Variants in ZFPM2 observed in about 807,000 individuals in gnomAD.
ZFPM2 encodes the protein zinc finger protein ZFPM2.
In ZFPM2, 20 loss-of-function variants were observed where a neutral mutation model predicts 98.6. The ratio of observed to expected loss-of-function variants is 0.20; its 90% CI spans 0.14 to 0.29. The LOEUF (loss-of-function observed/expected upper bound fraction) is 0.29. Ranked by LOEUF, ZFPM2 falls within the 10% of genes least tolerant of loss-of-function variation. ZFPM2 has a pLI of 1.00. For synonymous variants in ZFPM2, 518 were observed against 502.7 expected (o/e 1.03, Z -0.41); for missense variants, 1,310 against 1,388.6 (o/e 0.94, Z 0.90).
At chr8:105,666,659 A>C (rs1376361110) in intron 5 of ZFPM2, among the ~76,000 whole-genome samples, 1 of 152,238 alleles carries the variant, frequency 6.6e-6, no homozygotes, top group Admixed American at 6.5e-5. Context: ...TCATAATATT[A>C]CTAAGAGGTT....
At chr8:105,794,986 C>T (rs1287357830) in intron 6 of ZFPM2, among the ~76,000 whole-genome samples, 1 of 152,126 alleles carries the variant, frequency 6.6e-6, no homozygotes, top group African/African-American at 2.4e-5. Flanking sequence ...CCGTCTGTCA[C>T]CCCTTTCTTT....
intron 1 of ZFPM2, among the ~76,000 whole-genome samples, chr8:105,355,649 T>C (rs1327387684): frequency 6.6e-6 from 1 of 152,172 alleles, no homozygotes; most frequent in African/African-American, 2.4e-5. Flanking sequence ...TTAATTTCCC[T>C]CTGTTGGATG....
chr8:105,609,141 G>T (rs922342823), intron 4 of ZFPM2, among the ~76,000 whole-genome samples: 8 of 152,074 alleles, frequency 5.3e-5, no homozygotes, highest in African/African-American at 1.9e-4. Context: ...ATAAAAGGGT[G>T]AACTGAAGGA....
chr8:105,465,862 A>T (rs919163947), intron 3 of ZFPM2, among the ~76,000 whole-genome samples: 2 of 152,026 alleles, frequency 1.3e-5, no homozygotes, highest in African/African-American at 4.8e-5. Context: ...ATAAATACAC[A>T]TTTCTTAAGC....
rs1814134247 is a variant in ZFPM2, at chr8:105,804,210, T to G, written c.*672T>G. The stretch of plus-strand genomic sequence containing the variant: ...GTATAGTACTTGTATTTTCTTTCGC[T>G]GATGCAGCTCTGTCTCAATTTTTAA... On this transcript the variant is annotated 3_prime_UTR_variant, in exon 8 of 8. Coordinates refer to ENST00000407775, the MANE Select transcript of ZFPM2 (RefSeq NM_012082.4). The G allele has an allele frequency of 6.6e-6, 1 of 152,636 alleles. No homozygotes were observed. Among genetic ancestry groups the G allele is most frequent in the Non-Finnish European group, 1.5e-5 (1 of 68,040 alleles). 9.5% of individuals were successfully genotyped at this position (152,636 alleles called of 1,614,324 possible). A position where few individuals can be genotyped will look rare whatever the true frequency, so the allele number is the denominator to read the frequency against.
intron 5 of ZFPM2, among the ~76,000 whole-genome samples, chr8:105,667,349 G>A (rs1213913462): frequency 6.6e-6 from 1 of 152,122 alleles, no homozygotes; most frequent in Non-Finnish European, 1.5e-5. Context: ...CCAACAATGG[G>A]AAGATCTGCA....
At chr8:105,551,886 G>T (rs148097326) in intron 3 of ZFPM2, among the ~76,000 whole-genome samples, 1 of 152,056 alleles carries the variant, frequency 6.6e-6, no homozygotes, top group Admixed American at 6.6e-5. Flanking sequence ...GCTAACACAG[G>T]ATCTAGCACG....
At chr8:105,579,417 T>A (rs998392632) in intron 4 of ZFPM2, among the ~76,000 whole-genome samples, 6 of 152,294 alleles carry the variant, frequency 3.9e-5, no homozygotes, top group African/African-American at 1.4e-4. Context: ...TTAGAGACAG[T>A]ATCACTGATT....
intron 4 of ZFPM2, among the ~76,000 whole-genome samples, chr8:105,602,186 A>G (rs1307454983): frequency 2.0e-5 from 3 of 152,110 alleles, no homozygotes; most frequent in Non-Finnish European, 4.4e-5. Flanking sequence ...ACCTAAGGCT[A>G]GGAGGTAGAG....
intron 3 of ZFPM2, among the ~76,000 whole-genome samples, chr8:105,532,796 C>T (rs1365671749): frequency 2.0e-5 from 3 of 151,972 alleles, no homozygotes; most frequent in Non-Finnish European, 4.4e-5. Context: ...AATTTTTACT[C>T]GTTATGGCTG....
chr8:105,780,977 C>A (rs1813231254), intron 5 of ZFPM2, among the ~76,000 whole-genome samples: 1 of 152,238 alleles, frequency 6.6e-6, no homozygotes, highest in African/African-American at 2.4e-5. Flanking sequence ...AACATTTGAT[C>A]ATCAAGACAC....
chr8:105,392,114 A>G (rs1022181175), intron 1 of ZFPM2, among the ~76,000 whole-genome samples: 1 of 152,178 alleles, frequency 6.6e-6, no homozygotes, highest in Non-Finnish European at 1.5e-5. Flanking sequence ...GTACATCTCC[A>G]TCAGAGCTCT....
chr8:105,687,776 T>C (rs1435099248), intron 5 of ZFPM2, among the ~76,000 whole-genome samples: 1 of 152,138 alleles, frequency 6.6e-6, no homozygotes, highest in African/African-American at 2.4e-5. Flanking sequence ...GTAAGCATCA[T>C]GTTCAATTAG....
chr8:105,795,973 C>G (rs1813794794), intron 6 of ZFPM2: 1 of 215,992 alleles, frequency 4.6e-6, no homozygotes, highest in African/African-American at 2.3e-5. Flanking sequence ...AAGAGAAATC[C>G]AGAGACACAA....
intron 5 of ZFPM2, among the ~76,000 whole-genome samples, chr8:105,706,307 T>G (rs1811258926): frequency 6.6e-6 from 1 of 152,140 alleles, no homozygotes; most frequent in South Asian, 2.1e-4. Flanking sequence ...TAATAGTGCC[T>G]AAAATACAAA....
At chr8:105,747,958 TTCAATGTATG>T (rs1812385763) in intron 5 of ZFPM2, among the ~76,000 whole-genome samples, 1 of 152,132 alleles carries the variant, frequency 6.6e-6, no homozygotes, top group African/African-American at 2.4e-5. Context: ...CTTAGTTTAC[TTCAATGTATG>T]TAGCGTTTGG....
At chr8:105,561,535 G>C in intron 4 of ZFPM2, 54 bp downstream of exon 4, 1 of 1,351,638 alleles carries the variant, frequency 7.4e-7, no homozygotes, top group South Asian at 1.5e-5. Context: ...TTAGTATTTT[G>C]CCATAGCTCA....
At chr8:105,496,200 G>A (rs1813464088) in intron 3 of ZFPM2, among the ~76,000 whole-genome samples, 1 of 152,126 alleles carries the variant, frequency 6.6e-6, no homozygotes, top group Non-Finnish European at 1.5e-5. Flanking sequence ...GGTGTAGGGG[G>A]AGTTCTCACT....
intron 3 of ZFPM2, among the ~76,000 whole-genome samples, chr8:105,538,676 G>T (rs1165261233): frequency 6.7e-6 from 1 of 150,324 alleles, no homozygotes; most frequent in Non-Finnish European, 1.5e-5. Flanking sequence ...TTATTTTCTT[G>T]ATCTGTTTAA....
Sources: gnomAD v4.1 joint callset for allele counts (sites outside exome capture counted in the v4.1 genomes callset) on GRCh38, gnomAD v4.1.1 for gene constraint, MANE v1.5 for transcripts, NCBI Gene and HGNC (gene_info 2026-07-23, HGNC 2026-07-21) for gene names.